RBM25: variants seen among roughly 807,000 people sequenced by gnomAD.
RBM25 encodes RNA-binding protein 25.
In RBM25, 19 loss-of-function variants were observed where a neutral mutation model predicts 120.7. The observed-to-expected ratio is 0.16, with a 90% CI of 0.11 to 0.23. RBM25 has a LOEUF of 0.23. Among genes scored for constraint, RBM25 ranks in the 10% least tolerant of loss-of-function variants. The probability of loss-of-function intolerance (pLI) is 1.00; values close to 1 mark genes in which losing one functional copy is unlikely to be tolerated. For synonymous variants in RBM25, 390 were observed against 326.7 expected, an observed-to-expected ratio of 1.19 and a Z score of -2.09; for missense variants, 605 against 1,041.5, an observed-to-expected ratio of 0.58 and a Z score of 5.77.
intron 4 of RBM25, among the ~76,000 whole-genome samples, chr14:73,078,309 A>G (rs1895473372): frequency 6.6e-6 from 1 of 152,040 alleles, no homozygotes; most frequent in African/African-American, 2.4e-5. Flanking sequence ...TCTCAAAAAA[A>G]TAATGACAGG....
At chr14:73,066,960 A>G (rs1015773495) in intron 1 of RBM25, among the ~76,000 whole-genome samples, 2 of 152,158 alleles carry the variant, frequency 1.3e-5, no homozygotes, top group Non-Finnish European at 2.9e-5. Flanking sequence ...TATTCTACCA[A>G]TGATGAGGAT....
intron 8 of RBM25, 70 bp downstream of exon 8, chr14:73,099,503 A>C (rs1345494959): frequency 1.3e-6 from 2 of 1,586,266 alleles, no homozygotes; most frequent in African/African-American, 2.7e-5. Flanking sequence ...ATTCTTGTCT[A>C]TCTGATTTTT....
At chr14:73,107,775 A>G in intron 12 of RBM25, 51 bp from the exon 13 acceptor site, 1 of 1,338,232 alleles carries the variant, frequency 7.5e-7, no homozygotes, top group Non-Finnish European at 1.1e-6. Context: ...GGGAAGAGTA[A>G]TCTTTATTAC....
intron 6 of RBM25, among the ~76,000 whole-genome samples, chr14:73,095,082 C>G (rs1895911399): frequency 6.6e-6 from 1 of 151,940 alleles, no homozygotes; most frequent in South Asian, 2.1e-4. Flanking sequence ...TCTCGAACTC[C>G]TGACCTCGTC....
At position 73,071,538 on chromosome 14, in the gene RBM25, G is replaced by A. The variant is rs558502573; in HGVS notation, c.-15-89G>A. ...GGTAAGAAAAGTTCAGAATTTTGCAGATACTCTAAAAATGAAAGTCAACAA... is the reference window on the plus strand; with the variant it reads ...GGTAAGAAAAGTTCAGAATTTTGCAAATACTCTAAAAATGAAAGTCAACAA... On this transcript the variant is annotated intron_variant, in intron 1 of 18. Coordinates refer to ENST00000261973, the MANE Select transcript of RBM25 (RefSeq NM_021239.3). The A allele has an allele frequency of 1.4e-3, 1,308 of 905,342 alleles. 3 individuals are homozygous for A. The highest frequency in any genetic ancestry group is 1.9e-3 in the Non-Finnish European group (1,104 of 573,504). 56.1% of individuals were successfully genotyped at this position (905,342 alleles called of 1,614,324 possible).
In RBM25 at chr14:73,105,898, AAGAGAG is replaced by A. The variant is rs150988201; in HGVS notation, c.1206_1211del (p.Arg425_Glu426del). ...ATCGTGAAAGGGAACGAGAGCGGGA[AAGAGAG>A]AGAGAGAGAGAACGAGAGCGAGAAC... On this transcript the variant is annotated inframe_deletion, in exon 11 of 19. Coordinates refer to ENST00000261973, the MANE Select transcript of RBM25 (RefSeq NM_021239.3). 4.8e-5 allele frequency: 73 copies of A among 1,536,594 alleles called. No individual in the cohort carries two copies. The highest frequency in any genetic ancestry group is 9.5e-5 in the East Asian group (4 of 42,262).
intron 1 of RBM25, among the ~76,000 whole-genome samples, chr14:73,070,807 C>T (rs1315709631): frequency 6.6e-6 from 1 of 151,462 alleles, no homozygotes; most frequent in South Asian, 2.1e-4. Context: ...ATTAGCTGGG[C>T]GTGGTGGCGC....
At chr14:73,068,086 C>A (rs1309042916) in intron 1 of RBM25, 4 of 611,198 alleles carry the variant, frequency 6.5e-6, no homozygotes, top group African/African-American at 1.8e-5. Flanking sequence ...AGCACATGAG[C>A]TACGACCACC....
chr14:73,099,907 T>C (rs1215400973), intron 9 of RBM25, 157 bp downstream of exon 9: 8 of 1,179,964 alleles, frequency 6.8e-6, no homozygotes, highest in Non-Finnish European at 8.8e-6. Flanking sequence ...AGAAGACCAA[T>C]ACCATATTAA....
At chr14:73,061,052 A>AC (rs1162962920) in intron 1 of RBM25, among the ~76,000 whole-genome samples, 1 of 149,492 alleles carries the variant, frequency 6.7e-6, no homozygotes, top group Non-Finnish European at 1.5e-5. Flanking sequence ...GAGTTGGTGT[A>AC]CTTTTTTTTT....
rs1365959500 is a variant in RBM25 at position 73,121,884 on chromosome 14, C to T, written c.*2079C>T. 1 of 151,624 alleles carries T rather than the reference C, an allele frequency of 6.6e-6. No individual in the cohort carries two copies. Among genetic ancestry groups the T allele is most frequent in the Non-Finnish European group, 1.5e-5 (1 of 67,680 alleles). 9.4% of individuals were successfully genotyped at this position (151,624 alleles called of 1,614,324 possible). ...ATCTCCAGTGAGGTTTGTGACAGGA[C>T]CTCAACTAAATATATGAATTTGTGC... On this transcript the variant is annotated 3_prime_UTR_variant, in exon 19 of 19. Coordinates refer to ENST00000261973, the MANE Select transcript of RBM25 (RefSeq NM_021239.3).
chr14:73,119,579 A>T, intron 18 of RBM25, 134 bp from the exon 19 acceptor site: 1 of 1,484,648 alleles, frequency 6.7e-7, no homozygotes, highest in Non-Finnish European at 9.0e-7. Context: ...AAACAACCTT[A>T]AAATCTTAAC....
chr14:73,105,150 C>T (rs746476661), intron 10 of RBM25, among the ~76,000 whole-genome samples: 8 of 91,804 alleles, frequency 8.7e-5, no homozygotes, highest in African/African-American at 1.9e-4. Flanking sequence ...TTTTTGGAGA[C>T]GGGCTGGAGT....
intron 4 of RBM25, among the ~76,000 whole-genome samples, chr14:73,079,867 G>T (rs1459757966): frequency 1.3e-5 from 2 of 150,304 alleles, no homozygotes; most frequent in Non-Finnish European, 3.0e-5. Flanking sequence ...TTTTATTCTT[G>T]AGTTTTCTCC....
intron 4 of RBM25, among the ~76,000 whole-genome samples, chr14:73,080,595 A>G (rs892631039): frequency 2.6e-5 from 4 of 151,900 alleles, no homozygotes; most frequent in African/African-American, 9.7e-5. Context: ...CCTTATTCCT[A>G]TTTCAATATG....
chr14:73,116,522 T>A (rs759823141), intron 18 of RBM25, among the ~76,000 whole-genome samples: 4 of 152,208 alleles, frequency 2.6e-5, no homozygotes, highest in African/African-American at 4.8e-5. Flanking sequence ...TTAGAACACC[T>A]GATAAAACAT....
At chr14:73,100,465 C>A (rs1163449899) in intron 9 of RBM25, 6 of 494,794 alleles carry the variant, frequency 1.2e-5, no homozygotes, top group Admixed American at 1.0e-4. Context: ...CATAGTAAAT[C>A]CCACTCACGA....
At chr14:73,106,380 A>G (rs1896188638) in intron 12 of RBM25, 95 bp downstream of exon 12, 1 of 973,426 alleles carries the variant, frequency 1.0e-6, no homozygotes, top group Non-Finnish European at 1.5e-6. Flanking sequence ...TGAAATGCAC[A>G]AGCTTCTCTA....
Position 73,106,304 on chromosome 14 carries a change from A to C in RBM25, c.1467+19A>C. 6.4e-7 allele frequency: 1 copy of C among 1,551,186 alleles called. No individual in the cohort carries two copies. Among genetic ancestry groups the C allele is most frequent in the Non-Finnish European group, 8.7e-7 (1 of 1,154,306 alleles). On this transcript the variant is annotated intron_variant, in intron 12 of 18. Transcript: ENST00000261973. ...AGAAATGGTAAGATTCTAGGCTAAA[A>C]TAAGTGATTTTTCAGGTAAAAAGTC...
Sources: allele counts gnomAD v4.1 joint callset (sites outside exome capture counted in the v4.1 genomes callset), GRCh38; gene constraint gnomAD v4.1.1; transcripts MANE v1.5; gene names NCBI Gene and HGNC (gene_info 2026-07-23, HGNC 2026-07-21).